Variants in CSRNP3 observed in about 807,000 individuals in gnomAD.
CSRNP3 encodes the protein cysteine/serine-rich nuclear protein 3.
CSRNP3 carries 12 observed loss-of-function variants against 48.0 expected under a neutral mutation model. That is an observed-to-expected ratio of 0.25 (90% confidence interval 0.16 to 0.41). The LOEUF (loss-of-function observed/expected upper bound fraction) is 0.41, where lower values mean the gene tolerates loss of function less well. CSRNP3 is among the 10% of genes least tolerant of loss of function. The probability of loss-of-function intolerance (pLI) is 1.00; values close to 1 mark genes in which losing one functional copy is unlikely to be tolerated. For synonymous variants in CSRNP3, 263 were observed against 269.7 expected, an observed-to-expected ratio of 0.98 and a Z score of 0.24; for missense variants, 580 against 724.4, an observed-to-expected ratio of 0.80 and a Z score of 2.29.
intron 5 of CSRNP3, among the ~76,000 whole-genome samples, chr2:165,668,699 C>T (rs1400099980): frequency 6.6e-6 from 1 of 152,036 alleles, no homozygotes; most frequent in East Asian, 1.9e-4. Flanking sequence ...CACGCCCAGC[C>T]CATATCCTTT....
chr2:165,595,831 C>CTG (rs1417111343), intron 4 of CSRNP3, among the ~76,000 whole-genome samples: 2 of 152,144 alleles, frequency 1.3e-5, no homozygotes, highest in East Asian at 3.8e-4. Flanking sequence ...GAGTCTCGCT[C>CTG]TGTCGCCCAG....
intron 3 of CSRNP3, among the ~76,000 whole-genome samples, chr2:165,573,805 C>A (rs1038984672): frequency 6.6e-6 from 1 of 152,090 alleles, no homozygotes; most frequent in Non-Finnish European, 1.5e-5. Context: ...AAAAGAAATA[C>A]CCCATGTGCC....
chr2:165,532,200 C>A (rs1416304879), intron 3 of CSRNP3, among the ~76,000 whole-genome samples: 1 of 152,208 alleles, frequency 6.6e-6, no homozygotes, highest in African/African-American at 2.4e-5. Flanking sequence ...TCCTCCCTAA[C>A]TCATTTTATG....
intron 2 of CSRNP3, among the ~76,000 whole-genome samples, chr2:165,498,805 G>A (rs915900936): frequency 6.6e-6 from 1 of 152,054 alleles, no homozygotes; most frequent in African/African-American, 2.4e-5. Flanking sequence ...ATTAGCATGA[G>A]ATCCAAAATA....
chr2:165,489,708 C>A, intron 1 of CSRNP3, among the ~76,000 whole-genome samples: 1 of 128,726 alleles, frequency 7.8e-6, no homozygotes. Flanking sequence ...ACATGATTAT[C>A]TCAATAGATG....
intron 4 of CSRNP3, among the ~76,000 whole-genome samples, chr2:165,614,236 A>C (rs2105312641): frequency 6.6e-6 from 1 of 152,156 alleles, no homozygotes; most frequent in South Asian, 2.1e-4. Context: ...CAACTAGTTC[A>C]TTATCAAAGT....
chr2:165,573,986 A>T (rs925980190), intron 3 of CSRNP3: 2 of 176,318 alleles, frequency 1.1e-5, no homozygotes, highest in Non-Finnish European at 2.4e-5. Flanking sequence ...CTTGGTGGGG[A>T]GGGAGTAAGC....
intron 1 of CSRNP3, among the ~76,000 whole-genome samples, chr2:165,482,684 A>G (rs1296450402): frequency 2.0e-5 from 3 of 152,182 alleles, no homozygotes; most frequent in African/African-American, 4.8e-5. Flanking sequence ...TTTTGAAACT[A>G]TCGTCTACCC....
intron 4 of CSRNP3, among the ~76,000 whole-genome samples, chr2:165,641,690 C>G (rs1170136077): frequency 1.3e-5 from 2 of 152,060 alleles, no homozygotes; most frequent in African/African-American, 4.8e-5. Flanking sequence ...GTTATTGAAG[C>G]CTGTGTACCT....
At chr2:165,531,462 C>A (rs1307076681) in intron 3 of CSRNP3, among the ~76,000 whole-genome samples, 1 of 152,174 alleles carries the variant, frequency 6.6e-6, no homozygotes, top group Non-Finnish European at 1.5e-5. Flanking sequence ...CATTCTTCAT[C>A]TGCATGTTTC....
At chr2:165,545,971 C>T (rs1375571721) in intron 3 of CSRNP3, among the ~76,000 whole-genome samples, 1 of 151,862 alleles carries the variant, frequency 6.6e-6, no homozygotes, top group East Asian at 1.9e-4. Flanking sequence ...TACTAGATTG[C>T]CTATTATTTG....
intron 3 of CSRNP3, among the ~76,000 whole-genome samples, chr2:165,519,577 G>A (rs956048561): frequency 6.6e-6 from 1 of 152,134 alleles, no homozygotes; most frequent in Admixed American, 6.5e-5. Flanking sequence ...AAAAATCAGT[G>A]AAGAGATCCC....
intron 3 of CSRNP3, among the ~76,000 whole-genome samples, chr2:165,585,901 A>G (rs1685619359): frequency 6.6e-6 from 1 of 152,150 alleles, no homozygotes; most frequent in Non-Finnish European, 1.5e-5. Context: ...GAATCTCCCA[A>G]GTAAAAGTGG....
chr2:165,596,200 G>A (rs1685809068), intron 4 of CSRNP3, among the ~76,000 whole-genome samples: 1 of 150,642 alleles, frequency 6.6e-6, no homozygotes, highest in East Asian at 1.9e-4. Context: ...GATAAAGGGA[G>A]GTTTGAAGGA....
chr2:165,506,919 C>T (rs1684433837), intron 2 of CSRNP3, among the ~76,000 whole-genome samples: 1 of 151,886 alleles, frequency 6.6e-6, no homozygotes, highest in Non-Finnish European at 1.5e-5. Context: ...GAATATATTA[C>T]TAGAAAAAAT....
At chr2:165,673,615 A>G (rs1687367673) in intron 5 of CSRNP3, among the ~76,000 whole-genome samples, 1 of 152,164 alleles carries the variant, frequency 6.6e-6, no homozygotes, top group African/African-American at 2.4e-5. Flanking sequence ...TTGGTTATTC[A>G]TGTTGCCCTA....
At chr2:165,580,514 T>G (rs1404193007) in intron 3 of CSRNP3, among the ~76,000 whole-genome samples, 1 of 152,196 alleles carries the variant, frequency 6.6e-6, no homozygotes. Context: ...TTTAAAAATC[T>G]CCTTTATTTT....
In CSRNP3 at chr2:165,561,909, T is replaced by C. The variant is rs1250423021; in HGVS notation, c.-23-33134T>C. On this transcript the variant is annotated intron_variant, in intron 3 of 6. Transcript: ENST00000651982. ...TTTATTATGTTAAATACTAATAAAG[T>C]CCAGTGAAATTAATTCTGAATGAAT... 2.6e-5 allele frequency among the ~76,000 whole-genome samples: 4 copies of C among 152,150 alleles called. No homozygotes were observed. In the East Asian group the frequency reaches 7.7e-4, roughly 29 times the overall value.
intron 1 of CSRNP3, among the ~76,000 whole-genome samples, chr2:165,486,153 G>A (rs1304290098): frequency 1.3e-5 from 2 of 152,224 alleles, no homozygotes; most frequent in African/African-American, 2.4e-5. Context: ...GGGTCAGAGA[G>A]TTCCCTTTCC....
Sources: allele counts gnomAD v4.1 joint callset (sites outside exome capture counted in the v4.1 genomes callset), GRCh38; gene constraint gnomAD v4.1.1; transcripts MANE v1.5; gene names NCBI Gene and HGNC (gene_info 2026-07-23, HGNC 2026-07-21).